ITGA6: variants seen among roughly 807,000 people sequenced by gnomAD.
The protein encoded by ITGA6 is integrin subunit alpha 6.
A neutral mutation model predicts 133.6 loss-of-function variants in ITGA6; 63 were observed. That is an observed-to-expected ratio of 0.47 (90% CI 0.38 to 0.58). ITGA6 has a LOEUF of 0.58. Ranked by LOEUF, ITGA6 falls within the 20% of genes least tolerant of loss-of-function variation. ITGA6 has a pLI of 0.00. For synonymous variants in ITGA6, 434 were observed against 482.0 expected, an observed-to-expected ratio of 0.90 and a Z score of 1.30; for missense variants, 1,068 against 1,309.4, an observed-to-expected ratio of 0.82 and a Z score of 2.85.
Position 172,504,265 on chromosome 2 carries a change from A to G in ITGA6, c.*197A>G. On this transcript the variant is annotated 3_prime_UTR_variant, in exon 26 of 26. Coordinates refer to ENST00000684293, the MANE Select transcript of ITGA6 (RefSeq NM_000210.4). Reference sequence around the variant, plus strand: ...AAGCTACTCATAGCGGGGGCCTAAAAAAAAAAAGCTTCACAGTACCCAAAC... The same window carrying G: ...AAGCTACTCATAGCGGGGGCCTAAAGAAAAAAAGCTTCACAGTACCCAAAC... 6.5e-7 allele frequency: 1 copy of G among 1,528,964 alleles called. No homozygotes were observed. Among genetic ancestry groups the G allele is most frequent in the Non-Finnish European group, 8.8e-7 (1 of 1,142,526 alleles). 94.7% of individuals were successfully genotyped at this position (1,528,964 alleles called of 1,614,324 possible). A position where few individuals can be genotyped will look rare whatever the true frequency, so the allele number is the denominator to read the frequency against.
At chr2:172,467,020 AAAG>A (rs1685705076) in intron 2 of ITGA6, among the ~76,000 whole-genome samples, 4 of 152,230 alleles carry the variant, frequency 2.6e-5, no homozygotes, top group African/African-American at 9.6e-5. Context: ...CATCTCCAGT[AAAG>A]AAGAGAACAT....
rs3792258 is a variant in ITGA6 at position 172,475,814 on chromosome 2, T to A, written c.1269+129T>A. The A allele has an allele frequency of 4.8e-4, 316 of 661,234 alleles. 2 individuals are homozygous for A. In the East Asian group the frequency reaches 4.9e-3, roughly 10 times the overall value. The allele number at this position is 661,234 out of a possible 1,614,324, so 41.0% of individuals were successfully genotyped here. A position where few individuals can be genotyped will look rare whatever the true frequency, so the allele number is the denominator to read the frequency against. ...CAAGTCCACAATAGTATAAATTTTTTAAAAATGTATTACTAGAAGATACCT... is the reference window on the plus strand; with the variant it reads ...CAAGTCCACAATAGTATAAATTTTTAAAAAATGTATTACTAGAAGATACCT... On this transcript the variant is annotated intron_variant, in intron 8 of 25. Coordinates refer to ENST00000684293, the MANE Select transcript of ITGA6 (RefSeq NM_000210.4).
At chr2:172,460,373 T>G (rs1685382696) in intron 1 of ITGA6, among the ~76,000 whole-genome samples, 1 of 152,158 alleles carries the variant, frequency 6.6e-6, no homozygotes, top group South Asian at 2.1e-4. Flanking sequence ...GAATCAAGAT[T>G]TCTGTCAAAA....
Position 172,489,542 on chromosome 2 carries a change from T to G in ITGA6, c.2563T>G (p.Trp855Gly). Residue 855 changes from tryptophan (W) to glycine (G), a missense_variant, in exon 20 of 26, where the codon TGG (tryptophan) becomes GGG (glycine). Trp to Gly is a radical substitution (Grantham distance 184, BLOSUM62 -2). Transcript: ENST00000684293. ...CGGCACAGCAACCTTGAACATTCAG[T>G]GGCCAAAAGAAATTAGCAATGGGAA... The part of the protein sequence containing the change: ...NLGTATLNIQ[W>G]PKEISNGKWL... 1.2e-6 allele frequency: 2 copies of G among 1,614,042 alleles called. No homozygotes were observed. Among genetic ancestry groups the G allele is most frequent in the Non-Finnish European group, 1.7e-6 (2 of 1,179,916 alleles).
intron 10 of ITGA6, 120 bp downstream of exon 10, chr2:172,479,859 G>T: frequency 9.1e-7 from 1 of 1,101,310 alleles, no homozygotes; most frequent in South Asian, 1.2e-5. Flanking sequence ...AGGGAAGAGG[G>T]TCTGTCAAGT....
In ITGA6 at chr2:172,438,573, T is replaced by G. The variant is rs189276832; in HGVS notation, c.182+10603T>G. 1.3e-3 allele frequency among the ~76,000 whole-genome samples: 205 copies of G among 151,980 alleles called. 3 individuals carry two copies. Among genetic ancestry groups the G allele is most frequent in the African/African-American group, 4.5e-3 (187 of 41,548 alleles). ...ATTTTGACATTGGACAAATTACTTA[T>G]CTTCATTGGTCAAATGAAGGTACTA... is the stretch of plus-strand genomic sequence containing the variant. On this transcript the variant is annotated intron_variant, in intron 1 of 25. Transcript: ENST00000684293.
chr2:172,491,171 AT>A lies in ITGA6; in HGVS notation c.2779-47del. On this transcript the variant is annotated intron_variant, in intron 21 of 25. Transcript: ENST00000684293. This position sits in a 1 kb window ranked among gnomAD's most constrained non-coding sequence, Gnocchi z 4.4. ...AATATTTGAGAGGATGAGGGGAAGG[AT>A]TTCTTCAGAACAATGTCTTTTGATG... 1 of 1,409,852 alleles carries A rather than the reference AT, an allele frequency of 7.1e-7. No individual in the cohort carries two copies. Among genetic ancestry groups the A allele is most frequent in the Non-Finnish European group, 1.0e-6 (1 of 993,748 alleles). 87.3% of individuals were successfully genotyped at this position (1,409,852 alleles called of 1,614,324 possible).
At chr2:172,430,543 A>G (rs1413916239) in intron 1 of ITGA6, among the ~76,000 whole-genome samples, 1 of 152,242 alleles carries the variant, frequency 6.6e-6, no homozygotes, top group African/African-American at 2.4e-5. Flanking sequence ...AGATAAAAGC[A>G]CGATCATAGA....
At chr2:172,462,808 G>A (rs763446525) in intron 1 of ITGA6, among the ~76,000 whole-genome samples, 8 of 152,166 alleles carry the variant, frequency 5.3e-5, no homozygotes, top group Non-Finnish European at 1.2e-4. Flanking sequence ...ACAGAAGCCT[G>A]GGGTTCAGAG....
At chr2:172,428,992 G>A (rs1298100090) in intron 1 of ITGA6, among the ~76,000 whole-genome samples, 1 of 152,174 alleles carries the variant, frequency 6.6e-6, no homozygotes, top group African/African-American at 2.4e-5. Flanking sequence ...TCCCCACCCA[G>A]GCCTTGAGTT....
At chr2:172,449,207 A>C (rs1313500960) in intron 1 of ITGA6, among the ~76,000 whole-genome samples, 2 of 152,174 alleles carry the variant, frequency 1.3e-5, no homozygotes, top group African/African-American at 4.8e-5. Flanking sequence ...CATGTCAGGG[A>C]ATGTCTGGGC....
In ITGA6 at chr2:172,484,834, C is replaced by A. The variant is rs1444369124; in HGVS notation, c.1602C>A (p.Ser534=). 1 of 1,614,048 alleles carries A rather than the reference C, an allele frequency of 6.2e-7. No individual in the cohort carries two copies. Among genetic ancestry groups the A allele is most frequent in the East Asian group, 2.2e-5 (1 of 44,880 alleles). ...AAGAAAGAAGAAAATCTGGGCTATC[C>A]TCAAGAGTTCAGTTTCGAAACCAAG... The part of the protein sequence containing the change: ...AEKERRKSGL[S]SRVQFRNQGS... Residue 534 remains serine, a synonymous_variant, in exon 12 of 26, where the codon TCC becomes TCA. Transcript: ENST00000684293.
intron 5 of ITGA6, 132 bp downstream of exon 5, chr2:172,471,237 G>T: frequency 1.0e-6 from 1 of 987,100 alleles, no homozygotes. Flanking sequence ...ACTTTTGCTG[G>T]AATTTGATAA....
intron 6 of ITGA6, 128 bp from the exon 7 acceptor site, chr2:172,474,801 T>G (rs557671113): frequency 1.3e-5 from 9 of 711,340 alleles, no homozygotes; most frequent in South Asian, 1.2e-4. Context: ...AAAAATGTTA[T>G]AATTGAGTCA....
chr2:172,462,663 A>G (rs1685479777), intron 1 of ITGA6, among the ~76,000 whole-genome samples: 1 of 152,214 alleles, frequency 6.6e-6, no homozygotes, highest in Non-Finnish European at 1.5e-5. Flanking sequence ...CAGAGAGTGG[A>G]GAACAAGTGG....
At chr2:172,431,177 T>G (rs1223543859) in intron 1 of ITGA6, among the ~76,000 whole-genome samples, 1 of 152,222 alleles carries the variant, frequency 6.6e-6, no homozygotes, top group Non-Finnish European at 1.5e-5. Context: ...ACTTGTCATG[T>G]TCCATCTCTT....
intron 25 of ITGA6, 120 bp downstream of exon 25, chr2:172,502,021 C>A: frequency 1.2e-6 from 1 of 864,096 alleles, no homozygotes; most frequent in East Asian, 2.8e-5. Context: ...AATGTCCACA[C>A]TGGCTTGCCT....
chr2:172,504,042 C>A, intron 25 of ITGA6, 49 bp from the exon 26 acceptor site: 1 of 1,444,050 alleles, frequency 6.9e-7, no homozygotes, highest in Non-Finnish European at 9.3e-7. Context: ...AGTGTATTTG[C>A]TTCTTTGTGA....
chr2:172,490,310 G>A (rs1000570066), intron 20 of ITGA6, among the ~76,000 whole-genome samples: 2 of 152,134 alleles, frequency 1.3e-5, no homozygotes, highest in Non-Finnish European at 2.9e-5. Flanking sequence ...TGATGTCAAA[G>A]CCTGTACTGT....
Sources: allele counts gnomAD v4.1 joint callset (sites outside exome capture counted in the v4.1 genomes callset), GRCh38; gene constraint gnomAD v4.1.1; non-coding constraint Gnocchi (gnomAD v3.1); transcripts MANE v1.5; gene names NCBI Gene and HGNC (gene_info 2026-07-23, HGNC 2026-07-21).